DCLK2: variants seen among roughly 807,000 people sequenced by gnomAD.
The protein encoded by DCLK2 is doublecortin like kinase 2, also known as serine/threonine-protein kinase DCLK2.
A neutral mutation model predicts 78.4 loss-of-function variants in DCLK2; 31 were observed. The ratio of observed to expected loss-of-function variants is 0.40; its 90% confidence interval spans 0.30 to 0.53. The LOEUF is 0.53. DCLK2 is among the 20% of genes least tolerant of loss of function. The pLI is 0.61. For synonymous variants in DCLK2, 407 were observed against 374.9 expected (o/e 1.09, Z -0.99); for missense variants, 872 against 973.7 (o/e 0.90, Z 1.39).
intron 2 of DCLK2, among the ~76,000 whole-genome samples, chr4:150,119,266 A>T (rs1732348151): frequency 6.6e-6 from 1 of 152,084 alleles, no homozygotes; most frequent in Non-Finnish European, 1.5e-5. Flanking sequence ...ATCTGTGGAT[A>T]TTAGGGGTGT....
At chr4:150,166,642 G>C (rs1736102545) in intron 2 of DCLK2, among the ~76,000 whole-genome samples, 1 of 152,172 alleles carries the variant, frequency 6.6e-6, no homozygotes, top group African/African-American at 2.4e-5. Flanking sequence ...ACATTTTCCT[G>C]TTTTCTTTGT....
chr4:150,162,419 G>T (rs969941884), intron 2 of DCLK2, among the ~76,000 whole-genome samples: 3 of 152,094 alleles, frequency 2.0e-5, no homozygotes, highest in Non-Finnish European at 4.4e-5. Context: ...GGGATTTAGG[G>T]CCAACTTTAT....
At chr4:150,102,291 A>G (rs1268762323) in intron 1 of DCLK2, among the ~76,000 whole-genome samples, 187 bp from the exon 2 acceptor site, 1 of 152,160 alleles carries the variant, frequency 6.6e-6, no homozygotes, top group African/African-American at 2.4e-5. Context: ...TATTCTCTCA[A>G]AACCAATCTA....
intron 2 of DCLK2, among the ~76,000 whole-genome samples, chr4:150,192,403 T>C (rs1258824446): frequency 4.2e-5 from 6 of 144,344 alleles, no homozygotes; most frequent in Non-Finnish European, 9.0e-5. Context: ...TCATTTGAAC[T>C]TGGGAGATGG....
intron 4 of DCLK2, among the ~76,000 whole-genome samples, chr4:150,202,636 G>C (rs116577109): frequency 0.013 from 1,986 of 152,130 alleles, 39 homozygotes; most frequent in African/African-American, 0.045. Flanking sequence ...ATACTTATTA[G>C]TGTGATTTAA....
chr4:150,094,377 A>C (rs1730313480), intron 1 of DCLK2, among the ~76,000 whole-genome samples: 1 of 152,238 alleles, frequency 6.6e-6, no homozygotes, highest in Admixed American at 6.5e-5. Context: ...CTGTTTAAAA[A>C]AGAGTATGTA....
chr4:150,092,290 G>T (rs1730137798), intron 1 of DCLK2, among the ~76,000 whole-genome samples: 1 of 151,954 alleles, frequency 6.6e-6, no homozygotes, highest in Admixed American at 6.6e-5. Context: ...GTATCTTTTT[G>T]GGATGCTTAT....
At chr4:150,251,654 C>T (rs1357310897) in intron 15 of DCLK2, among the ~76,000 whole-genome samples, 1 of 50,512 alleles carries the variant, frequency 2.0e-5, no homozygotes. Context: ...CCCGCCCCCA[C>T]GAGCGTGCAG....
Position 150,239,878 on chromosome 4 carries a change from A to G in DCLK2, c.1700+3A>G. On this transcript the variant is annotated splice_donor_region_variant and intron_variant, in intron 11 of 15. Coordinates refer to ENST00000296550, the MANE Select transcript of DCLK2 (RefSeq NM_001040260.4). ...CCAGAAATCATTGCTGAAACTGGGTAAGACTTCTGGTGGCCCTGGTTAGTA... is the reference window on the plus strand; with the variant it reads ...CCAGAAATCATTGCTGAAACTGGGTGAGACTTCTGGTGGCCCTGGTTAGTA... 3 of 1,613,714 alleles carry G rather than the reference A, an allele frequency of 1.9e-6. No homozygotes were observed. The highest frequency in any genetic ancestry group is 2.5e-6 in the Non-Finnish European group (3 of 1,179,936).
chr4:150,101,035 T>C (rs9968430), intron 1 of DCLK2, among the ~76,000 whole-genome samples: 58,075 of 151,992 alleles, frequency 0.38, 11,326 homozygotes, highest in Non-Finnish European at 0.42. Context: ...GGTGACTCGC[T>C]TGAACACAGG....
chr4:150,169,394 C>T (rs941451725), intron 2 of DCLK2, among the ~76,000 whole-genome samples: 9 of 152,232 alleles, frequency 5.9e-5, no homozygotes, highest in Non-Finnish European at 1.3e-4. Context: ...TGCAGTGGCT[C>T]ACGCCTGTAA....
chr4:150,199,753 A>G (rs532494692), intron 4 of DCLK2, among the ~76,000 whole-genome samples: 249 of 152,338 alleles, frequency 1.6e-3, no homozygotes, highest in African/African-American at 5.9e-3. Flanking sequence ...AAGCTAATAT[A>G]GATATGAGAC....
rs1161606143 is a variant in DCLK2 at position 150,158,682 on chromosome 4, T to C, written c.757-34456T>C. 2.0e-5 allele frequency among the ~76,000 whole-genome samples: 3 copies of C among 152,186 alleles called. No homozygotes were observed. In the East Asian group the frequency reaches 5.8e-4, roughly 29 times the overall value. On this transcript the variant is annotated intron_variant, in intron 2 of 15. Coordinates refer to ENST00000296550, the MANE Select transcript of DCLK2 (RefSeq NM_001040260.4). ...TAAATATAACAGACTGAGATGTTCA[T>C]TAACTGTTTCTTGAATGAATAACTG...
intron 2 of DCLK2, among the ~76,000 whole-genome samples, chr4:150,113,982 T>G (rs1731881430): frequency 6.6e-6 from 1 of 152,188 alleles, no homozygotes; most frequent in African/African-American, 2.4e-5. Flanking sequence ...TAAATTTCCA[T>G]TTTGATTTCA....
Position 150,203,806 on chromosome 4 carries a change from C to T in DCLK2, c.973C>T (p.Pro325Ser). Reference protein sequence around the residue: ...SKSPASVNGTPSSQLSTPKST... With the variant: ...SKSPASVNGTSSSQLSTPKST... ...TGTCTCATGGGCAGTTAATGGAACTCCCAGCAGCCAACTTTCTACTCCTAA... is the reference window on the plus strand; with the variant it reads ...TGTCTCATGGGCAGTTAATGGAACTTCCAGCAGCCAACTTTCTACTCCTAA... Residue 325 changes from proline to serine, a missense_variant, in exon 5 of 16, where the codon CCC (proline) becomes TCC (serine). Physicochemically the swap from Pro to Ser is moderately conservative, Grantham distance 74 (BLOSUM62 -1). Coordinates refer to ENST00000296550, the MANE Select transcript of DCLK2 (RefSeq NM_001040260.4). The T allele has an allele frequency of 6.2e-7, 1 of 1,613,692 alleles. No individual in the cohort carries two copies. The highest frequency in any genetic ancestry group is 1.1e-5 in the South Asian group (1 of 91,054).
At chr4:150,087,456 A>T (rs749229417) in intron 1 of DCLK2, among the ~76,000 whole-genome samples, 4 of 152,242 alleles carry the variant, frequency 2.6e-5, no homozygotes, top group Non-Finnish European at 4.4e-5. Context: ...TGAGGAGGCC[A>T]AGGAGGTTTG....
chr4:150,180,331 A>G (rs6535716), intron 2 of DCLK2, among the ~76,000 whole-genome samples: 101,404 of 152,046 alleles, frequency 0.67, 34,388 homozygotes, highest in South Asian at 0.79. Context: ...GTGTCATTGC[A>G]TAGTTAGGTA....
intron 13 of DCLK2, among the ~76,000 whole-genome samples, chr4:150,247,967 G>A (rs908590187): frequency 1.3e-5 from 2 of 152,328 alleles, no homozygotes; most frequent in African/African-American, 2.4e-5. Flanking sequence ...CAAGAAATAT[G>A]TATTGGGCAC....
intron 12 of DCLK2, among the ~76,000 whole-genome samples, chr4:150,246,140 G>A (rs1297949064): frequency 2.0e-5 from 3 of 151,750 alleles, no homozygotes; most frequent in Non-Finnish European, 4.4e-5. Context: ...CGCCTCCCAG[G>A]TTCAAGGGAT....
Sources: gnomAD v4.1 joint callset for allele counts (sites outside exome capture counted in the v4.1 genomes callset) on GRCh38, gnomAD v4.1.1 for gene constraint, MANE v1.5 for transcripts, NCBI Gene and HGNC (gene_info 2026-07-23, HGNC 2026-07-21) for gene names.